The following BCAS3 variants were observed in gnomAD, a reference collection of about 807,000 sequenced individuals.
BCAS3 encodes the protein BCAS4/BCAS3 fusion.
In BCAS3, 53 loss-of-function variants were observed where a neutral mutation model predicts 116.1. The ratio of observed to expected loss-of-function variants is 0.46; its 90% CI spans 0.37 to 0.57. The LOEUF is 0.57. Among genes scored for constraint, BCAS3 ranks in the 20% least tolerant of loss-of-function variants. The pLI is 0.00. For synonymous variants in BCAS3, 391 were observed against 408.2 expected (o/e 0.96, Z 0.51); for missense variants, 917 against 1,165.4 (o/e 0.79, Z 3.10).
chr17:60,766,302 G>A (rs2044087851), intron 6 of BCAS3, among the ~76,000 whole-genome samples: 1 of 152,076 alleles, frequency 6.6e-6, no homozygotes, highest in Non-Finnish European at 1.5e-5. Context: ...TTTCTGCTCT[G>A]GTTTCTCCCC....
Position 61,083,950 on chromosome 17 carries a change from A to C in BCAS3, c.2328-517A>C, listed in dbSNP as rs961164081. ...TAGTGACCCACCCCGGCCACAGTAC[A>C]TCTTTGTTATCCTATGCTTACTGTC... On this transcript the variant is annotated intron_variant, in intron 21 of 23. Coordinates refer to ENST00000407086, the MANE Select transcript of BCAS3 (RefSeq NM_017679.5). The surrounding 1 kb of genome is among the most constrained non-coding windows in gnomAD (Gnocchi z 4.9). Among the ~76,000 whole-genome samples, 1 of 152,144 alleles carries C rather than the reference A, an allele frequency of 6.6e-6. No homozygotes were observed.
At chr17:60,831,734 C>A (rs1452286418) in intron 7 of BCAS3, among the ~76,000 whole-genome samples, 3 of 147,502 alleles carry the variant, frequency 2.0e-5, no homozygotes, top group Admixed American at 6.7e-5. Context: ...GCCTCTTTGG[C>A]GGTGGGTTTT....
At chr17:61,360,005 C>A (rs1483639210) in intron 22 of BCAS3, among the ~76,000 whole-genome samples, 1 of 58,950 alleles carries the variant, frequency 1.7e-5, no homozygotes, top group Admixed American at 2.7e-4. Flanking sequence ...CCTCCCATAA[C>A]TTTTCTTTTT....
At chr17:60,896,594 A>G (rs1352740451) in intron 10 of BCAS3, among the ~76,000 whole-genome samples, 1 of 137,724 alleles carries the variant, frequency 7.3e-6, no homozygotes, top group Non-Finnish European at 1.5e-5. Context: ...TTTTTTTTCC[A>G]GCTGTTTTTG....
chr17:61,166,401 T>C (rs2078504387), intron 22 of BCAS3, among the ~76,000 whole-genome samples: 1 of 143,298 alleles, frequency 7.0e-6, no homozygotes, highest in Non-Finnish European at 1.5e-5. Context: ...CTTTTTTTTT[T>C]TTTTTTTTTT....
chr17:61,068,841 C>T lies in BCAS3; in HGVS notation c.2030-6079C>T, dbSNP rs773139340. On this transcript the variant is annotated intron_variant, in intron 19 of 23. Transcript: ENST00000407086. The surrounding 1 kb of genome is among the most constrained non-coding windows in gnomAD (Gnocchi z 4.3). Reference sequence around the variant, plus strand: ...AGAAGCATGGAAACTTTGCTCTTATCATATTTTCTTTTTATCAAGGTTGTA... The same window carrying T: ...AGAAGCATGGAAACTTTGCTCTTATTATATTTTCTTTTTATCAAGGTTGTA... Among the ~76,000 whole-genome samples the T allele has an allele frequency of 6.6e-6, 1 of 152,114 alleles. No individual in the cohort carries two copies. The highest frequency in any genetic ancestry group is 1.5e-5 in the Non-Finnish European group (1 of 68,032).
Position 61,241,557 on chromosome 17 carries a change from T to G in BCAS3, c.2426-126770T>G, listed in dbSNP as rs1416636237. On this transcript the variant is annotated intron_variant, in intron 22 of 23. Transcript: ENST00000407086. This position sits in a 1 kb window ranked among gnomAD's most constrained non-coding sequence, Gnocchi z 4.6. ...AAACCCCACCTCTACTAAAAAAAAA[T>G]TACAAAAAAAAATTAGCCGGCCGTG... 6.6e-6 allele frequency among the ~76,000 whole-genome samples: 1 copy of G among 150,582 alleles called. No individual in the cohort carries two copies. Among genetic ancestry groups the G allele is most frequent in the South Asian group, 2.1e-4 (1 of 4,756 alleles).
intron 8 of BCAS3, 62 bp from the exon 9 acceptor site, chr17:60,874,600 C>A: frequency 1.7e-6 from 2 of 1,174,256 alleles, no homozygotes; most frequent in South Asian, 2.6e-5. Context: ...ATTTCTGATT[C>A]CACTTACAGA....
At chr17:61,108,500 C>T (rs1375796353) in intron 22 of BCAS3, among the ~76,000 whole-genome samples, 1 of 150,726 alleles carries the variant, frequency 6.6e-6, no homozygotes, top group Non-Finnish European at 1.5e-5. Flanking sequence ...TTTTCTTTCT[C>T]TGTTTTTTTG....
Position 61,037,645 on chromosome 17 carries a change from G to A in BCAS3, c.1763-244G>A, listed in dbSNP as rs1398972565. Among the ~76,000 whole-genome samples, 3 of 152,128 alleles carry A rather than the reference G, an allele frequency of 2.0e-5. No homozygotes were observed. Among genetic ancestry groups the A allele is most frequent in the Non-Finnish European group, 4.4e-5 (3 of 68,020 alleles). On this transcript the variant is annotated intron_variant, in intron 17 of 23. Coordinates refer to ENST00000407086, the MANE Select transcript of BCAS3 (RefSeq NM_017679.5). This position sits in a 1 kb window ranked among gnomAD's most constrained non-coding sequence, Gnocchi z 4.7. ...AAATTAGCCGGGTGTGGTGACAGGAGCCTGTAATCCCAGCTACTCAAGAGG... is the reference window on the plus strand; with the variant it reads ...AAATTAGCCGGGTGTGGTGACAGGAACCTGTAATCCCAGCTACTCAAGAGG...
rs569057065 is a variant in BCAS3 at position 61,243,433 on chromosome 17, C to T, written c.2426-124894C>T. On this transcript the variant is annotated intron_variant, in intron 22 of 23. Transcript: ENST00000407086. The surrounding 1 kb of genome is among the most constrained non-coding windows in gnomAD (Gnocchi z 5.6). ...CTATTGTGCATAATGCTACAGTGAACGTTCCATACAGTGAAGTGGAGATAC... is the reference window on the plus strand; with the variant it reads ...CTATTGTGCATAATGCTACAGTGAATGTTCCATACAGTGAAGTGGAGATAC... Among the ~76,000 whole-genome samples the T allele has an allele frequency of 1.3e-5, 2 of 152,266 alleles. No homozygotes were observed. The highest frequency in any genetic ancestry group is 2.1e-4 in the South Asian group (1 of 4,822).
chr17:61,171,633 TA>T lies in BCAS3; in HGVS notation c.2425+87070del, dbSNP rs1280719136. 6.6e-6 allele frequency among the ~76,000 whole-genome samples: 1 copy of T among 152,110 alleles called. No individual in the cohort carries two copies. Among genetic ancestry groups the T allele is most frequent in the Admixed American group, 6.6e-5 (1 of 15,262 alleles). On this transcript the variant is annotated intron_variant, in intron 22 of 23. Transcript: ENST00000407086. The surrounding 1 kb of genome is among the most constrained non-coding windows in gnomAD (Gnocchi z 4.1). ...TATTATGCTAATACTAATTTTATTTTATTTTTTTTTTGAAACAGCGTCTGTT... is the reference window on the plus strand; with the variant it reads ...TATTATGCTAATACTAATTTTATTTTTTTTTTTTTTGAAACAGCGTCTGTT...
At chr17:61,003,322 T>C (rs1027936124) in intron 15 of BCAS3, among the ~76,000 whole-genome samples, 3 of 151,890 alleles carry the variant, frequency 2.0e-5, no homozygotes, top group African/African-American at 7.2e-5. Context: ...TTTTTCTCTC[T>C]TTAAGAGATC....
At chr17:60,859,153 A>G (rs777162851) in intron 7 of BCAS3, among the ~76,000 whole-genome samples, 8 of 152,196 alleles carry the variant, frequency 5.3e-5, no homozygotes, top group Admixed American at 6.5e-5. Context: ...CTTAATATGT[A>G]CAAGAGAGTT....
chr17:60,757,719 ACT>A (rs1215609707), intron 6 of BCAS3, among the ~76,000 whole-genome samples: 1 of 151,536 alleles, frequency 6.6e-6, no homozygotes. Flanking sequence ...TTGTCTGTTC[ACT>A]CTGTTAATTG....
chr17:61,306,614 A>G (rs2037261169), intron 22 of BCAS3, among the ~76,000 whole-genome samples: 1 of 152,062 alleles, frequency 6.6e-6, no homozygotes, highest in Non-Finnish European at 1.5e-5. Context: ...CAGTCTCTAC[A>G]CAAAGTAATA....
At chr17:60,801,426 C>G (rs566715236) in intron 6 of BCAS3, among the ~76,000 whole-genome samples, 1 of 151,540 alleles carries the variant, frequency 6.6e-6, no homozygotes, top group African/African-American at 2.4e-5. Flanking sequence ...TGTAACCAAT[C>G]ATGTTATCTG....
intron 22 of BCAS3, among the ~76,000 whole-genome samples, chr17:61,102,892 A>C (rs2074414528): frequency 6.6e-6 from 1 of 152,118 alleles, no homozygotes; most frequent in Non-Finnish European, 1.5e-5. Context: ...TGTCTGTCCC[A>C]AAGTTTTAGT....
chr17:60,756,418 C>A (rs2042991793), intron 6 of BCAS3, among the ~76,000 whole-genome samples: 1 of 152,118 alleles, frequency 6.6e-6, no homozygotes, highest in African/African-American at 2.4e-5. Context: ...TTTATCCACC[C>A]CCCTTCCATC....
Sources: gnomAD v4.1 joint callset for allele counts (sites outside exome capture counted in the v4.1 genomes callset) on GRCh38, gnomAD v4.1.1 for gene constraint, Gnocchi (gnomAD v3.1) non-coding constraint, MANE v1.5 for transcripts, NCBI Gene and HGNC (gene_info 2026-07-23, HGNC 2026-07-21) for gene names.